Variants in RIMS2 observed in about 807,000 individuals in gnomAD.
RIMS2 encodes regulating synaptic membrane exocytosis 2.
In RIMS2, 59 loss-of-function variants were observed where a neutral mutation model predicts 174.4. The observed-to-expected ratio is 0.34, with a 90% confidence interval of 0.27 to 0.42. RIMS2 has a LOEUF of 0.42. Among genes scored for constraint, RIMS2 ranks in the 10% least tolerant of loss-of-function variants. RIMS2 has a pLI of 1.00. For synonymous variants in RIMS2, 606 were observed against 572.5 expected (o/e 1.06, Z -0.84); for missense variants, 1,620 against 1,666.3 (o/e 0.97, Z 0.48).
At chr8:103,559,476 C>G in intron 1 of RIMS2, 1 of 304,460 alleles carries the variant, frequency 3.3e-6, no homozygotes, top group South Asian at 2.9e-5. Flanking sequence ...GCAGAGTTTC[C>G]TGCTGTGGAG....
rs942920019 is a variant in RIMS2 at position 103,693,629 on chromosome 8, A to T, written c.177-3457A>T. 7.2e-5 allele frequency among the ~76,000 whole-genome samples: 11 copies of T among 152,104 alleles called. No individual in the cohort carries two copies. In the East Asian group the frequency reaches 1.5e-3, roughly 21 times the overall value. ...GGAAAATGTCTTCACCAGTCAGCCC[A>T]TGTGGTGATTCTGGGCAAGCTGTTT... On this transcript the variant is annotated intron_variant, in intron 1 of 23. Transcript: ENST00000504942.
At chr8:104,006,867 A>G (rs1396707491) in intron 17 of RIMS2, among the ~76,000 whole-genome samples, 1 of 151,968 alleles carries the variant, frequency 6.6e-6, no homozygotes, top group East Asian at 1.9e-4. Flanking sequence ...CTGTTAATAG[A>G]TCATCATTTC....
intron 3 of RIMS2, among the ~76,000 whole-genome samples, chr8:103,881,179 C>T (rs1001062124): frequency 2.0e-5 from 3 of 151,432 alleles, no homozygotes; most frequent in African/African-American, 7.2e-5. Context: ...AATTAGTAAT[C>T]TTCAAATTTT....
chr8:103,968,950 T>C (rs1225945371), intron 15 of RIMS2, among the ~76,000 whole-genome samples: 2 of 152,140 alleles, frequency 1.3e-5, no homozygotes, highest in Admixed American at 1.3e-4. Context: ...TTCTTTCTCC[T>C]TCACTTTTGA....
chr8:103,534,070 G>A (rs529488087), intron 1 of RIMS2, among the ~76,000 whole-genome samples: 1 of 152,110 alleles, frequency 6.6e-6, no homozygotes, highest in Non-Finnish European at 1.5e-5. Context: ...ATTGAACACT[G>A]GATGGCTTTG....
intron 19 of RIMS2, among the ~76,000 whole-genome samples, chr8:104,144,837 A>G (rs1183181893): frequency 2.0e-5 from 3 of 151,812 alleles, no homozygotes; most frequent in Non-Finnish European, 2.9e-5. Context: ...TCTTTTTTTT[A>G]TAAAACTATT....
intron 1 of RIMS2, among the ~76,000 whole-genome samples, chr8:103,663,656 T>A (rs1323560759): frequency 6.6e-6 from 1 of 152,198 alleles, no homozygotes; most frequent in Non-Finnish European, 1.5e-5. Context: ...TGGAAGAATA[T>A]TCCATGCTCA....
intron 19 of RIMS2, among the ~76,000 whole-genome samples, 167 bp downstream of exon 22, chr8:104,041,525 C>T (rs1033440389): frequency 4.0e-5 from 6 of 151,560 alleles, no homozygotes; most frequent in Non-Finnish European, 7.4e-5. Flanking sequence ...CAACTATCAA[C>T]AGCAACTGCT....
At chr8:103,502,860 A>G (rs1821061208) in intron 1 of RIMS2, among the ~76,000 whole-genome samples, 1 of 151,978 alleles carries the variant, frequency 6.6e-6, no homozygotes, top group African/African-American at 2.4e-5. Flanking sequence ...CTGTAGTTCT[A>G]AGTTTATTTG....
intron 2 of RIMS2, among the ~76,000 whole-genome samples, chr8:103,750,807 C>G (rs1380832037): frequency 6.6e-6 from 1 of 152,114 alleles, no homozygotes; most frequent in African/African-American, 2.4e-5. Context: ...TGAGGCTTCA[C>G]CAGCAAAGTG....
At position 103,756,387 on chromosome 8, in the gene RIMS2, T is replaced by G. The variant is rs202049816; in HGVS notation, c.388-9840T>G. On this transcript the variant is annotated intron_variant, in intron 2 of 23. Coordinates refer to ENST00000504942, the Ensembl canonical transcript of RIMS2. ...AGAGTTTTTTGTTGTTGTTGTTGTTTTTGTTTTTTTTTTTTTGCAGGACTC... is the reference window on the plus strand; with the variant it reads ...AGAGTTTTTTGTTGTTGTTGTTGTTGTTGTTTTTTTTTTTTTGCAGGACTC... Among the ~76,000 whole-genome samples the G allele has an allele frequency of 4.3e-3, 560 of 129,426 alleles. 6 individuals are homozygous for G. The highest frequency in any genetic ancestry group is 0.015 in the African/African-American group (527 of 34,184). 84.9% of individuals were successfully genotyped at this position (129,426 alleles called of 152,430 possible). A position where few individuals can be genotyped will look rare whatever the true frequency, so the allele number is the denominator to read the frequency against.
At chr8:103,823,935 G>T (rs1297957660) in intron 3 of RIMS2, among the ~76,000 whole-genome samples, 3 of 151,782 alleles carry the variant, frequency 2.0e-5, no homozygotes, top group Non-Finnish European at 4.4e-5. Flanking sequence ...ATACTTTATT[G>T]AACATGCATA....
At chr8:104,094,994 C>A (rs531383764) in intron 19 of RIMS2, among the ~76,000 whole-genome samples, 1 of 152,176 alleles carries the variant, frequency 6.6e-6, no homozygotes, top group East Asian at 1.9e-4. Flanking sequence ...GTAAATTTCC[C>A]TGTGTCTCTT....
At chr8:104,014,566 A>G in exon 19 of RIMS2, 1 of 1,613,334 alleles carries the variant, frequency 6.2e-7, no homozygotes, top group Non-Finnish European at 8.5e-7. Context: ...TCGCAGGACG[A>G]AGGGGCCGAC....
intron 1 of RIMS2, among the ~76,000 whole-genome samples, chr8:103,696,671 G>A (rs1288890315): frequency 2.0e-5 from 3 of 151,476 alleles, no homozygotes; most frequent in Admixed American, 6.6e-5. Context: ...GTTCGAGACC[G>A]GCCTGGCCAT....
chr8:104,128,318 T>G (rs921227477), intron 19 of RIMS2, among the ~76,000 whole-genome samples: 4 of 152,344 alleles, frequency 2.6e-5, no homozygotes, highest in Middle Eastern at 3.4e-3. Flanking sequence ...ATCAAACAAT[T>G]GCCAAAGGCC....
chr8:104,167,068 T>G (rs1289588985), intron 19 of RIMS2, among the ~76,000 whole-genome samples: 1 of 152,246 alleles, frequency 6.6e-6, no homozygotes, highest in Non-Finnish European at 1.5e-5. Flanking sequence ...TTGCAAATTG[T>G]GCTGATATAA....
chr8:103,669,131 G>A (rs770906661), intron 1 of RIMS2, among the ~76,000 whole-genome samples: 14 of 152,142 alleles, frequency 9.2e-5, no homozygotes, highest in Non-Finnish European at 1.8e-4. Context: ...CATGGTGGGA[G>A]GCAAAAGGCA....
intron 19 of RIMS2, among the ~76,000 whole-genome samples, chr8:104,173,326 T>C (rs534971373): frequency 6.6e-6 from 1 of 152,266 alleles, no homozygotes; most frequent in African/African-American, 2.4e-5. Context: ...TCTTTCTGGG[T>C]TTTGGCATTC....
Sources: allele counts gnomAD v4.1 joint callset (sites outside exome capture counted in the v4.1 genomes callset), GRCh38; gene constraint gnomAD v4.1.1; transcripts MANE v1.5; gene names NCBI Gene and HGNC (gene_info 2026-07-23, HGNC 2026-07-21).